ME3: variants seen among roughly 807,000 people sequenced by gnomAD.
ME3 encodes the protein malic enzyme 3, also known as NADP-dependent malic enzyme, mitochondrial.
A neutral mutation model predicts 68.9 loss-of-function variants in ME3; 48 were observed. That is an observed-to-expected ratio of 0.70 (90% CI 0.55 to 0.89). ME3 has a LOEUF of 0.89. Ranked by LOEUF, ME3 falls within the 40% of genes least tolerant of loss-of-function variation. The pLI, the probability that ME3 is intolerant of heterozygous loss-of-function variation, is 0.00. For missense variants in ME3, 675 were observed against 797.4 expected (o/e 0.85, Z 1.85); for synonymous variants, 320 against 318.8 (o/e 1.00, Z -0.04).
At chr11:86,476,438 G>A (rs1016896298) in intron 7 of ME3, among the ~76,000 whole-genome samples, 1 of 152,200 alleles carries the variant, frequency 6.6e-6, no homozygotes, top group Non-Finnish European at 1.5e-5. Context: ...GAATAGGTCA[G>A]TATCAGTGGG....
chr11:86,491,443 G>A (rs1952006706), intron 6 of ME3, among the ~76,000 whole-genome samples: 2 of 152,206 alleles, frequency 1.3e-5, no homozygotes, highest in African/African-American at 4.8e-5. Context: ...ACCGGGCTGG[G>A]GAACGGGGAG....
intron 2 of ME3, among the ~76,000 whole-genome samples, chr11:86,637,349 C>CAAAAAAAAAAAAAAAAAAAAAAAAA (rs11402713): frequency 8.2e-6 from 1 of 122,080 alleles, no homozygotes; most frequent in Non-Finnish European, 1.7e-5. Flanking sequence ...ACAAGAAGCA[C>CAAAAAAAAAAAAAAAAAAAAAAAAA]AAAAAAAAAA....
chr11:86,532,189 A>G (rs1223525438), intron 4 of ME3, among the ~76,000 whole-genome samples: 5 of 152,168 alleles, frequency 3.3e-5, no homozygotes, highest in Non-Finnish European at 7.3e-5. Flanking sequence ...TTCTATAAAT[A>G]TATTTGCACC....
At chr11:86,496,042 A>G (rs1370451955) in intron 6 of ME3, among the ~76,000 whole-genome samples, 1 of 152,170 alleles carries the variant, frequency 6.6e-6, no homozygotes, top group Non-Finnish European at 1.5e-5. Context: ...TCATTTGATC[A>G]TATCTGCAGA....
chr11:86,527,482 A>C (rs912240056), intron 4 of ME3, among the ~76,000 whole-genome samples: 6 of 152,214 alleles, frequency 3.9e-5, no homozygotes, highest in African/African-American at 1.4e-4. Context: ...CTAGTCAGGA[A>C]GGTCAACATT....
intron 2 of ME3, among the ~76,000 whole-genome samples, chr11:86,592,224 C>A (rs549519153): frequency 6.6e-6 from 1 of 152,292 alleles, no homozygotes; most frequent in South Asian, 2.1e-4. Context: ...ATCACTTGAA[C>A]AAGAATGTCC....
At chr11:86,555,285 C>G (rs1343526480) in intron 4 of ME3, among the ~76,000 whole-genome samples, 2 of 152,118 alleles carry the variant, frequency 1.3e-5, no homozygotes, top group African/African-American at 2.4e-5. Context: ...AGATGAAATG[C>G]CATGAGCTGA....
At chr11:86,573,328 A>C (rs7126810) in intron 2 of ME3, among the ~76,000 whole-genome samples, 36,795 of 151,756 alleles carry the variant, frequency 0.24, 4,872 homozygotes, top group East Asian at 0.53. Flanking sequence ...AATTGCTTTT[A>C]GTGTTTTAGT....
intron 2 of ME3, 22 bp from the exon 3 acceptor site, chr11:86,559,845 C>T (rs1029062047): frequency 1.2e-6 from 2 of 1,611,964 alleles, no homozygotes; most frequent in Admixed American, 3.3e-5. Context: ...AGGAAAAGAA[C>T]ACCCACACAT....
intron 2 of ME3, among the ~76,000 whole-genome samples, chr11:86,646,429 A>G (rs1388480123): frequency 6.6e-6 from 1 of 152,258 alleles, no homozygotes; most frequent in Non-Finnish European, 1.5e-5. Context: ...AGTGAAATCA[A>G]TCAAGTGGAA....
At chr11:86,649,244 G>C (rs1022602042) in intron 2 of ME3, among the ~76,000 whole-genome samples, 2 of 152,080 alleles carry the variant, frequency 1.3e-5, no homozygotes, top group Admixed American at 6.5e-5. Context: ...ATGCAGAAAA[G>C]TCCTTTGAAA....
chr11:86,620,015 T>C (rs1943242989), intron 2 of ME3, among the ~76,000 whole-genome samples: 1 of 123,580 alleles, frequency 8.1e-6, no homozygotes, highest in African/African-American at 2.6e-5. Flanking sequence ...CCCTGTTAAG[T>C]GCTAACATGT....
chr11:86,593,664 G>C (rs1406969556), intron 2 of ME3, among the ~76,000 whole-genome samples: 1 of 146,406 alleles, frequency 6.8e-6, no homozygotes, highest in Non-Finnish European at 1.5e-5. Flanking sequence ...GATAGCCACT[G>C]TATCATTTTG....
chr11:86,489,549 G>A (rs555810621), intron 6 of ME3, among the ~76,000 whole-genome samples: 4 of 152,260 alleles, frequency 2.6e-5, no homozygotes, highest in African/African-American at 9.6e-5. Flanking sequence ...GGAACCTGCT[G>A]AGGGAGGGCA....
At chr11:86,477,893 T>G (rs991801625) in intron 7 of ME3, among the ~76,000 whole-genome samples, 2 of 152,164 alleles carry the variant, frequency 1.3e-5, no homozygotes, top group Non-Finnish European at 2.9e-5. Flanking sequence ...TTTGTCACCA[T>G]GCAAAATCTG....
chr11:86,509,653 AG>A (rs1316797500), intron 4 of ME3, among the ~76,000 whole-genome samples: 3 of 150,928 alleles, frequency 2.0e-5, no homozygotes, highest in African/African-American at 4.9e-5. Context: ...GGAAATGAAG[AG>A]GGGGTGGGTT....
rs149628678 is a variant in ME3, at chr11:86,551,332, G to A, written c.467+5221C>T. ...GGCCACATGGTATTTAGATAAGGGG[G>A]CTGAACCACTACCTCTGACTCCAGC... On this transcript the variant is annotated intron_variant, in intron 4 of 14. Transcript: ENST00000543262. Among the ~76,000 whole-genome samples the A allele has an allele frequency of 1.8e-4, 27 of 152,190 alleles. No homozygotes were observed. The East Asian group carries it at 5.0e-3, about 28-fold the overall frequency.
chr11:86,587,899 C>A (rs1958832590), intron 2 of ME3, among the ~76,000 whole-genome samples: 1 of 152,132 alleles, frequency 6.6e-6, no homozygotes, highest in South Asian at 2.1e-4. Context: ...AATAAGAGTT[C>A]TGTTTGAAAG....
At chr11:86,616,368 T>C (rs943693847) in intron 2 of ME3, among the ~76,000 whole-genome samples, 11 of 152,244 alleles carry the variant, frequency 7.2e-5, no homozygotes, top group African/African-American at 2.2e-4. Flanking sequence ...CATCACTTTA[T>C]TAGGAAATTC....
Sources: allele counts gnomAD v4.1 joint callset (sites outside exome capture counted in the v4.1 genomes callset), GRCh38; gene constraint gnomAD v4.1.1; transcripts MANE v1.5; gene names NCBI Gene and HGNC (gene_info 2026-07-23, HGNC 2026-07-21).